Variants in SCN11A observed in about 807,000 individuals in gnomAD.
The protein encoded by SCN11A is sodium voltage-gated channel alpha subunit 11.
In SCN11A, 122 loss-of-function variants were observed where a neutral mutation model predicts 162.2. That is an observed-to-expected ratio of 0.75 (90% CI 0.65 to 0.87). The LOEUF is 0.87. SCN11A is among the 40% of genes least tolerant of loss of function. The probability of loss-of-function intolerance (pLI) is 0.00; values close to 1 mark genes in which losing one functional copy is unlikely to be tolerated. For missense variants in SCN11A, 2,015 were observed against 2,181.6 expected, an observed-to-expected ratio of 0.92 and a Z score of 1.52; for synonymous variants, 758 against 751.5, an observed-to-expected ratio of 1.01 and a Z score of -0.14.
intron 11 of SCN11A, among the ~76,000 whole-genome samples, chr3:38,910,566 AT>A (rs2125538675): frequency 6.6e-6 from 1 of 152,298 alleles, no homozygotes; most frequent in Non-Finnish European, 1.5e-5. Context: ...GAAGTTTGCT[AT>A]GACTATACAG....
intron 2 of SCN11A, among the ~76,000 whole-genome samples, chr3:39,031,534 C>CAAAAAAAAAAA (rs71622553): frequency 6.6e-5 from 8 of 121,902 alleles, no homozygotes; most frequent in South Asian, 2.4e-4. Context: ...AAACAAAAAA[C>CAAAAAAAAAAA]AAACAAACAA....
At chr3:39,019,993 T>C (rs973236596) in intron 2 of SCN11A, among the ~76,000 whole-genome samples, 2 of 152,340 alleles carry the variant, frequency 1.3e-5, no homozygotes, top group Admixed American at 6.5e-5. Flanking sequence ...TAGTGGTTAA[T>C]AGTTTGAATG....
chr3:38,920,684 CA>C (rs36096755), intron 10 of SCN11A, among the ~76,000 whole-genome samples: 4,714 of 55,974 alleles, frequency 0.084, 59 homozygotes, highest in Non-Finnish European at 0.11. Context: ...GACTCCATCT[CA>C]AAAAAAAAAA....
At chr3:38,849,937 C>A (rs1188974004) in intron 29 of SCN11A, 2 of 152,426 alleles carry the variant, frequency 1.3e-5, no homozygotes, top group East Asian at 3.8e-4. Context: ...AGAAAAAAAG[C>A]TTTGATTGTC....
rs774216505 is a variant in SCN11A at position 38,880,003 on chromosome 3, A to G, written c.3340T>C (p.Phe1114Leu). ...CAGGCACTGGTGAAATACTTTCCAA[A>G]TCCGAAGGCTACCCATTTTAGTACC... ...EMVLKWVAFG[F>L]GKYFTSAWCC... Residue 1114 changes from phenylalanine to leucine, a missense_variant, in exon 23 of 30, where the codon TTT becomes CTT. Physicochemically the swap from Phe to Leu is conservative, Grantham distance 22 (BLOSUM62 0). Coordinates refer to ENST00000302328, the MANE Select transcript of SCN11A (RefSeq NM_001349253.2). The G allele has an allele frequency of 1.9e-6, 3 of 1,613,088 alleles. No homozygotes were observed. Among genetic ancestry groups the G allele is most frequent in the South Asian group, 2.2e-5 (2 of 91,026 alleles).
chr3:38,966,723 T>C (rs1456483712), intron 2 of SCN11A, among the ~76,000 whole-genome samples: 1 of 152,202 alleles, frequency 6.6e-6, no homozygotes, highest in Non-Finnish European at 1.5e-5. Context: ...AACCGTATGT[T>C]TGTACCCACT....
At position 38,871,440 on chromosome 3, in the gene SCN11A, C is replaced by G; in HGVS notation, c.3759+5G>C. ...CAGAGTGAAAAACATACTGACTGTACTTACCACTTGCAGCAGAGCGAGGTA... is the reference window on the plus strand; with the variant it reads ...CAGAGTGAAAAACATACTGACTGTAGTTACCACTTGCAGCAGAGCGAGGTA... On this transcript the variant is annotated splice_donor_5th_base_variant and intron_variant, in intron 25 of 29. Transcript: ENST00000302328. The G allele has an allele frequency of 6.3e-7, 1 of 1,596,024 alleles. No homozygotes were observed. The highest frequency in any genetic ancestry group is 8.5e-7 in the Non-Finnish European group (1 of 1,172,348).
chr3:38,974,356 T>A (rs2066834621), intron 2 of SCN11A, among the ~76,000 whole-genome samples: 1 of 151,920 alleles, frequency 6.6e-6, no homozygotes, highest in Non-Finnish European at 1.5e-5. Flanking sequence ...TACAAAATGA[T>A]GCAAAATAAG....
At chr3:38,932,901 G>T (rs2066267346) in intron 7 of SCN11A, among the ~76,000 whole-genome samples, 1 of 152,228 alleles carries the variant, frequency 6.6e-6, no homozygotes, top group Admixed American at 6.5e-5. Context: ...GGAGATCTGA[G>T]AACAGGCAGA....
chr3:38,890,943 TAG>T (rs1163269594), intron 19 of SCN11A, among the ~76,000 whole-genome samples: 3 of 152,198 alleles, frequency 2.0e-5, no homozygotes, highest in Non-Finnish European at 4.4e-5. Context: ...GAATCAGTTA[TAG>T]AGTTTCCACA....
In SCN11A at chr3:39,015,824, CCT is replaced by C. The variant is rs551701600; in HGVS notation, c.-280+16554_-280+16555del. ...TGGTCTCGGGTCACTGCAAACTCCGCCTCCCGGGCTCAAGCAATTCTCCTGCC... is the reference window on the plus strand; with the variant it reads ...TGGTCTCGGGTCACTGCAAACTCCGCCCCGGGCTCAAGCAATTCTCCTGCC... On this transcript the variant is annotated intron_variant, in intron 2 of 29. Coordinates refer to ENST00000302328, the MANE Select transcript of SCN11A (RefSeq NM_001349253.2). Among the ~76,000 whole-genome samples the C allele has an allele frequency of 1.2e-3, 180 of 152,224 alleles. 1 individual carries two copies. Among genetic ancestry groups the C allele is most frequent in the Admixed American group, 2.2e-3 (33 of 15,302 alleles).
At chr3:38,998,820 C>G (rs1232631267) in intron 2 of SCN11A, among the ~76,000 whole-genome samples, 2 of 149,270 alleles carry the variant, frequency 1.3e-5, no homozygotes, top group Admixed American at 6.8e-5. Flanking sequence ...AAAAACCAAA[C>G]ACCACATGTT....
intron 2 of SCN11A, among the ~76,000 whole-genome samples, chr3:38,981,067 A>G (rs2030020245): frequency 6.6e-6 from 1 of 152,190 alleles, no homozygotes; most frequent in African/African-American, 2.4e-5. Context: ...GTTTTCTTCA[A>G]TTTCAGGAGA....
At chr3:38,998,212 T>C (rs1026464472) in intron 2 of SCN11A, among the ~76,000 whole-genome samples, 2 of 152,194 alleles carry the variant, frequency 1.3e-5, no homozygotes, top group Non-Finnish European at 2.9e-5. Flanking sequence ...GAACAAACAG[T>C]TATCTCTGCA....
At position 38,883,391 on chromosome 3, in the gene SCN11A, A is replaced by T; in HGVS notation, c.3065-4T>A. 6.2e-7 allele frequency: 1 copy of T among 1,611,366 alleles called. No individual in the cohort carries two copies. The highest frequency in any genetic ancestry group is 1.1e-5 in the South Asian group (1 of 90,574). On this transcript the variant is annotated splice_region_variant and splice_polypyrimidine_tract_variant and intron_variant, in intron 21 of 29. Coordinates refer to ENST00000302328, the MANE Select transcript of SCN11A (RefSeq NM_001349253.2). ...CATGGAAAGCAGCAACCAAAGCCTG[A>T]AAGGAATTAATGGTAGCACTATCAT...
chr3:38,866,849 A>G (rs890301490), intron 27 of SCN11A, among the ~76,000 whole-genome samples: 8 of 152,188 alleles, frequency 5.3e-5, no homozygotes, highest in African/African-American at 9.7e-5. Context: ...CTCTTCCCCA[A>G]TCATCTTCTT....
At chr3:39,002,748 C>T (rs2125599131) in intron 2 of SCN11A, among the ~76,000 whole-genome samples, 1 of 152,312 alleles carries the variant, frequency 6.6e-6, no homozygotes, top group South Asian at 2.1e-4. Context: ...TGGTTGCAAA[C>T]CTTAAATGCT....
In SCN11A at chr3:38,847,004, A is replaced by G. The variant is rs1255219686; in HGVS notation, c.5066T>C (p.Phe1689Ser). The change falls in exon 30 of 30, where the codon TTC becomes TCC. Residue 1689 changes from phenylalanine to serine, a missense_variant. Coordinates refer to ENST00000302328, the MANE Select transcript of SCN11A (RefSeq NM_001349253.2). Reference protein sequence around the residue: ...RLHCMDILFAFTARVLGGSDG... With the variant: ...RLHCMDILFASTARVLGGSDG... Reference sequence around the variant, plus strand: ...AGAGCCACCGAGTACCCTAGCGGTGAAGGCGAAAAGAATATCCATGCAGTG... The same window carrying G: ...AGAGCCACCGAGTACCCTAGCGGTGGAGGCGAAAAGAATATCCATGCAGTG... 1 of 1,614,128 alleles carries G rather than the reference A, an allele frequency of 6.2e-7. No homozygotes were observed. Among genetic ancestry groups the G allele is most frequent in the Non-Finnish European group, 8.5e-7 (1 of 1,180,026 alleles).
intron 13 of SCN11A, 63 bp downstream of exon 13, chr3:38,908,934 T>G: frequency 6.9e-7 from 1 of 1,457,262 alleles, no homozygotes; most frequent in South Asian, 1.2e-5. Context: ...TCAGGTCACA[T>G]TGCCTCTGGG....
Sources: gnomAD v4.1 joint callset for allele counts (sites outside exome capture counted in the v4.1 genomes callset) on GRCh38, gnomAD v4.1.1 for gene constraint, MANE v1.5 for transcripts, NCBI Gene and HGNC (gene_info 2026-07-23, HGNC 2026-07-21) for gene names.